The following ETV1 variants were observed in gnomAD, a reference collection of about 807,000 sequenced individuals.
ETV1 encodes the protein ETS variant transcription factor 1.
Under a neutral mutation model 62.3 loss-of-function variants are expected in ETV1, and 27 were observed. That is an observed-to-expected ratio of 0.43 (90% CI 0.32 to 0.60). ETV1 has a LOEUF of 0.60. ETV1 is among the 20% of genes least tolerant of loss of function. The pLI, the probability that ETV1 is intolerant of heterozygous loss-of-function variation, is 0.06. For missense variants in ETV1, 605 were observed against 605.8 expected (o/e 1.00, Z 0.01); for synonymous variants, 222 against 199.6 (o/e 1.11, Z -0.94).
rs747459722 is a variant in ETV1 at position 13,988,047 on chromosome 7, G to A, written c.133+39C>T. ...TTCTTTTAGCAGGGTGGAGAGTGTA[G>A]GTAAAAAAATGGGGATTCAGCCCAA... is the stretch of plus-strand genomic sequence containing the variant. On this transcript the variant is annotated intron_variant, in intron 4 of 13. Transcript: ENST00000430479. 1.2e-5 allele frequency: 14 copies of A among 1,162,492 alleles called. No individual in the cohort carries two copies. The East Asian group carries it at 1.4e-4, about 12-fold the overall frequency. The allele number at this position is 1,162,492 out of a possible 1,614,324, so 72.0% of individuals were successfully genotyped here.
intron 6 of ETV1, among the ~76,000 whole-genome samples, chr7:13,973,642 C>A (rs2128496254): frequency 6.7e-6 from 1 of 149,450 alleles, no homozygotes; most frequent in Admixed American, 6.6e-5. Context: ...CATATCCTTC[C>A]ACTTTTTTTT....
At chr7:13,975,562 C>CAAAAAAAAAAAAAAAAAAAAAAAAAAAA in intron 6 of ETV1, among the ~76,000 whole-genome samples, 1 of 41,162 alleles carries the variant, frequency 2.4e-5, no homozygotes. Flanking sequence ...GACTCTGTCT[C>CAAAAAAAAAAAAAAAAAAAAAAAAAAAA]AAAAAAAAAA....
chr7:13,896,880 G>A (rs902463426), intron 13 of ETV1, among the ~76,000 whole-genome samples: 1 of 152,132 alleles, frequency 6.6e-6, no homozygotes, highest in Non-Finnish European at 1.5e-5. Flanking sequence ...AGATGCATTA[G>A]ACAGAGTTAA....
rs1782846408 is a variant in ETV1 at position 13,989,295 on chromosome 7, C to A, written c.-115G>T. 1 of 502,040 alleles carries A rather than the reference C, an allele frequency of 2.0e-6. No individual in the cohort carries two copies. The highest frequency in any genetic ancestry group is 3.8e-5 in the Admixed American group (1 of 26,650). The allele number at this position is 502,040 out of a possible 1,614,324, so 31.1% of individuals were successfully genotyped here. A position where few individuals can be genotyped will look rare whatever the true frequency, so the allele number is the denominator to read the frequency against. ...GGATCCAAAGAGAGCCAACAGAGTT[C>A]ACAATTTACATATTTTCGGTAGTAG... On this transcript the variant is annotated 5_prime_UTR_variant, in exon 2 of 14. Coordinates refer to ENST00000430479, the MANE Select transcript of ETV1 (RefSeq NM_004956.5).
intron 6 of ETV1, among the ~76,000 whole-genome samples, chr7:13,957,032 A>G (rs1049888148): frequency 6.6e-6 from 1 of 152,098 alleles, no homozygotes; most frequent in Admixed American, 6.6e-5. Context: ...AAAACGTCAA[A>G]CTATATTTAC....
chr7:13,973,070 G>C (rs1056698754), intron 6 of ETV1, among the ~76,000 whole-genome samples: 9 of 152,296 alleles, frequency 5.9e-5, no homozygotes, highest in African/African-American at 2.2e-4. Flanking sequence ...AAGTTCTCAA[G>C]TGTTGTGATT....
chr7:13,970,926 T>C (rs930295279), intron 6 of ETV1, among the ~76,000 whole-genome samples: 1 of 151,732 alleles, frequency 6.6e-6, no homozygotes, highest in African/African-American at 2.4e-5. Flanking sequence ...TTCCACTTCA[T>C]TGAAAAAAAA....
chr7:13,915,968 A>G (rs1784110328), intron 9 of ETV1, among the ~76,000 whole-genome samples: 2 of 152,230 alleles, frequency 1.3e-5, no homozygotes, highest in Non-Finnish European at 2.9e-5. Flanking sequence ...GTAACATCTT[A>G]GTTACTGAAC....
intron 9 of ETV1, among the ~76,000 whole-genome samples, chr7:13,920,351 A>G (rs1248228574): frequency 6.6e-6 from 1 of 152,174 alleles, no homozygotes; most frequent in African/African-American, 2.4e-5. Flanking sequence ...AGCATTAATC[A>G]TTACTTCCAG....
At chr7:13,923,818 A>C (rs1029546484) in intron 9 of ETV1, among the ~76,000 whole-genome samples, 9 of 152,058 alleles carry the variant, frequency 5.9e-5, no homozygotes, top group Non-Finnish European at 1.3e-4. Flanking sequence ...GGATCACCTA[A>C]GGTCGGAAGT....
chr7:13,904,272 G>A (rs889074386), intron 12 of ETV1, among the ~76,000 whole-genome samples: 2 of 152,208 alleles, frequency 1.3e-5, no homozygotes, highest in African/African-American at 4.8e-5. Context: ...TTCCCATTGA[G>A]TTGGTTATTA....
intron 9 of ETV1, among the ~76,000 whole-genome samples, chr7:13,928,177 C>T (rs1053000437): frequency 6.6e-6 from 1 of 152,090 alleles, no homozygotes; most frequent in Non-Finnish European, 1.5e-5. Context: ...CTGTATTTCG[C>T]CCTTATTAGA....
intron 5 of ETV1, among the ~76,000 whole-genome samples, chr7:13,983,373 T>G (rs1275574677): frequency 6.6e-6 from 1 of 152,014 alleles, no homozygotes; most frequent in Non-Finnish European, 1.5e-5. Flanking sequence ...CATCTTTCTA[T>G]TTTTGTTCTG....
intron 6 of ETV1, among the ~76,000 whole-genome samples, chr7:13,953,895 G>T (rs1217172487): frequency 6.6e-6 from 1 of 152,126 alleles, no homozygotes; most frequent in Non-Finnish European, 1.5e-5. Context: ...TGAAGATGTA[G>T]CATCTCAAGA....
At chr7:13,942,083 G>A (rs1342625581) in intron 6 of ETV1, among the ~76,000 whole-genome samples, 2 of 146,114 alleles carry the variant, frequency 1.4e-5, no homozygotes, top group Non-Finnish European at 3.0e-5. Context: ...GAGTGCAGTG[G>A]CGCGATCTCG....
intron 6 of ETV1, among the ~76,000 whole-genome samples, chr7:13,942,834 G>T (rs1270335439): frequency 6.6e-6 from 1 of 152,072 alleles, no homozygotes; most frequent in Admixed American, 6.6e-5. Flanking sequence ...ATGATGTAAA[G>T]TTTATCATAT....
rs184258013 is a variant in ETV1, at chr7:13,931,701, C to A, written c.603G>T (p.Pro201=). ...SEPCNSFPPL[P]TMPREGRPMY... The stretch of plus-strand genomic sequence containing the variant: ...TAGGACGTCCTTCCCTTGGCATCGT[C>A]GGCAAAGGAGGAAAGGAGTTACAGG... Residue 201 remains proline (P), a synonymous_variant, in exon 9 of 14, where the codon CCG becomes CCT. Coordinates refer to ENST00000430479, the MANE Select transcript of ETV1 (RefSeq NM_004956.5). The A allele has an allele frequency of 1.5e-5, 25 of 1,613,774 alleles. No individual in the cohort carries two copies. The South Asian group carries it at 2.7e-4, about 18-fold the overall frequency.
At position 13,988,185 on chromosome 7, in the gene ETV1, A is replaced by T. The variant is rs761406502; in HGVS notation, c.46-12T>A. 1.3e-6 allele frequency: 2 copies of T among 1,579,374 alleles called. No homozygotes were observed. Among genetic ancestry groups the T allele is most frequent in the South Asian group, 2.2e-5 (2 of 90,324 alleles). ...CTCCCACGCTGACTCTACAAAGGGA[A>T]AGATAAAATCCTTTAAAAGAATGTA... On this transcript the variant is annotated splice_polypyrimidine_tract_variant and intron_variant, in intron 3 of 13. Coordinates refer to ENST00000430479, the MANE Select transcript of ETV1 (RefSeq NM_004956.5).
intron 7 of ETV1, among the ~76,000 whole-genome samples, chr7:13,936,830 C>T (rs1249383814): frequency 2.0e-5 from 3 of 152,012 alleles, no homozygotes; most frequent in African/African-American, 7.3e-5. Context: ...CGCTTAAGCA[C>T]GGGAGTTTAA....
Sources: allele counts gnomAD v4.1 joint callset (sites outside exome capture counted in the v4.1 genomes callset), GRCh38; gene constraint gnomAD v4.1.1; transcripts MANE v1.5; gene names NCBI Gene and HGNC (gene_info 2026-07-23, HGNC 2026-07-21).